Variants in ABCA7 observed in about 807,000 individuals in gnomAD.
ABCA7 encodes the protein phospholipid-transporting ATPase ABCA7.
Under a neutral mutation model 227.6 loss-of-function variants are expected in ABCA7, and 261 were observed. The ratio of observed to expected loss-of-function variants is 1.15; its 90% CI spans 1.04 to 1.27. The LOEUF (loss-of-function observed/expected upper bound fraction) is 1.27. Ranked by LOEUF, ABCA7 falls within the 50% of genes most tolerant of loss-of-function variation. ABCA7 has a pLI of 0.00. For synonymous variants in ABCA7, 1,488 were observed against 1,279.7 expected (o/e 1.16, Z -3.47); for missense variants, 3,331 against 2,924.5 (o/e 1.14, Z -3.21).
In ABCA7 at chr19:1,057,048, C is replaced by A. The variant is rs375075592; in HGVS notation, c.4728C>A (p.Pro1576=). The change falls in exon 34 of 47, where the codon CCC becomes CCA. Residue 1576 remains proline, a synonymous_variant. Coordinates refer to ENST00000263094, the MANE Select transcript of ABCA7 (RefSeq NM_019112.4). ...TGCAGCTCATGGGGGGCCTGTCCCC[C>A]ACCCTCTACTGGCTTGGCAACTTTC... ...KHLQLMGGLS[P]TLYWLGNFLW... The A allele has an allele frequency of 5.6e-5, 91 of 1,613,562 alleles. No individual in the cohort carries two copies. Among genetic ancestry groups the A allele is most frequent in the Non-Finnish European group, 7.1e-5 (84 of 1,179,982 alleles).
chr19:1,061,165 G>A (rs1373326082), intron 40 of ABCA7, among the ~76,000 whole-genome samples: 3 of 152,092 alleles, frequency 2.0e-5, no homozygotes, highest in African/African-American at 7.2e-5. Context: ...GGGAGGCCAA[G>A]GCAGGAGGAT....
intron 30 of ABCA7, among the ~76,000 whole-genome samples, chr19:1,055,692 G>A (rs1291125352): frequency 6.6e-6 from 1 of 151,918 alleles, no homozygotes; most frequent in Non-Finnish European, 1.5e-5. Flanking sequence ...TAGTAGAGAT[G>A]GGGTTTCACC....
At position 1,046,403 on chromosome 19, in the gene ABCA7, A is replaced by G. The variant is rs1568266638; in HGVS notation, c.1619A>G (p.Asp540Gly). The change falls in exon 13 of 47, where the codon GAC (aspartate) becomes GGC (glycine). Residue 540 changes from aspartate (D) to glycine (G), a missense_variant. Transcript: ENST00000263094. ...ATGCCCTATCCGTGCTATGTGGACG[A>G]CGTGTGAGCTCTGGCACCCCTCCCC... Reference protein sequence around the residue: ...QQMPYPCYVDDVFLRVLSRSL... With the variant: ...QQMPYPCYVDGVFLRVLSRSL... The G allele has an allele frequency of 9.1e-6, 14 of 1,545,392 alleles. No individual in the cohort carries two copies. Among genetic ancestry groups the G allele is most frequent in the Non-Finnish European group, 1.2e-5 (14 of 1,147,898 alleles).
intron 5 of ABCA7, 24 bp from the exon 6 acceptor site, chr19:1,042,291 T>C: frequency 6.4e-7 from 1 of 1,574,660 alleles, no homozygotes; most frequent in African/African-American, 1.3e-5. Flanking sequence ...CCCAGCCCCA[T>C]GCTCCCGTGC....
In ABCA7 at chr19:1,065,093, CGT is replaced by C; in HGVS notation, c.6208_6209del (p.Val2070LeufsTer68). The C allele has an allele frequency of 1.9e-6, 3 of 1,578,720 alleles. No individual in the cohort carries two copies. In the South Asian group the frequency reaches 3.4e-5, roughly 18 times the overall value. ...CGGGAGGGCGCTGCGCCCTGGCGCGCGTCTTTGGAGAGCTGGCGGTGCACGGC... is the reference window on the plus strand; with the variant it reads ...CGGGAGGGCGCTGCGCCCTGGCGCGCCTTTGGAGAGCTGGCGGTGCACGGC... ...PPGGRCALAR[V>X]FGELAVHGAE... On this transcript the variant is annotated frameshift_variant, in exon 46 of 47. Coordinates refer to ENST00000263094, the MANE Select transcript of ABCA7 (RefSeq NM_019112.4). LOFTEE classifies it high-confidence loss of function.
In ABCA7 at chr19:1,043,315, C is replaced by G. The variant is rs1193498634; in HGVS notation, c.791-19C>G. 1 of 1,612,788 alleles carries G rather than the reference C, an allele frequency of 6.2e-7. No individual in the cohort carries two copies. The highest frequency in any genetic ancestry group is 1.1e-5 in the South Asian group (1 of 91,064). On this transcript the variant is annotated intron_variant, in intron 8 of 46. Coordinates refer to ENST00000263094, the MANE Select transcript of ABCA7 (RefSeq NM_019112.4). ...AACTCTGGGCAGGGGGGCAGGGCCTCATGGCACCCCCATCCCAGGCCCCGC... is the reference window on the plus strand; with the variant it reads ...AACTCTGGGCAGGGGGGCAGGGCCTGATGGCACCCCCATCCCAGGCCCCGC...
At chr19:1,057,844 T>G in intron 35 of ABCA7, 71 bp from the exon 36 acceptor site, 2 of 1,553,942 alleles carry the variant, frequency 1.3e-6, no homozygotes, top group Non-Finnish European at 1.8e-6. Flanking sequence ...AAGATGGGAA[T>G]GGAGATTTTT....
Position 1,061,802 on chromosome 19 carries a change from G to A in ABCA7, c.5484G>A (p.Val1828=), listed in dbSNP as rs1430059499. The change falls in exon 41 of 47, where the codon GTG becomes GTA. Residue 1828 remains valine (V), a synonymous_variant. Coordinates refer to ENST00000263094, the MANE Select transcript of ABCA7 (RefSeq NM_019112.4). ...TGTAGTGTTTTGGGCTGCTGGGTGTGAATGGAGCAGGGAAGACGTCCACGT... is the reference window on the plus strand; with the variant it reads ...TGTAGTGTTTTGGGCTGCTGGGTGTAAATGGAGCAGGGAAGACGTCCACGT... The part of the protein sequence containing the change: ...PPGECFGLLG[V]NGAGKTSTFR... The A allele has an allele frequency of 1.2e-6, 2 of 1,613,098 alleles. No individual in the cohort carries two copies. The highest frequency in any genetic ancestry group is 1.7e-6 in the Non-Finnish European group (2 of 1,179,586).
rs1362440165 is a variant in ABCA7, at chr19:1,047,658, G to A, written c.2269+4G>A. On this transcript the variant is annotated splice_donor_region_variant and intron_variant, in intron 16 of 46. Coordinates refer to ENST00000263094, the MANE Select transcript of ABCA7 (RefSeq NM_019112.4). ...TACCTGGAAGCTGTGTGCCCAGGTG[G>A]GCCGTAGGGGGCGGGGCTCCGGGCC... 1.3e-6 allele frequency: 2 copies of A among 1,587,698 alleles called. No individual in the cohort carries two copies. The highest frequency in any genetic ancestry group is 1.7e-6 in the Non-Finnish European group (2 of 1,171,874).
At position 1,058,900 on chromosome 19, in the gene ABCA7, C is replaced by A. The variant is rs760329232; in HGVS notation, c.5360C>A (p.Ala1787Asp). ...GAACGGGAGCGGGTGGTCCAAGGAG[C>A]CACCCAGGGGGATGTGTTGGTGCTG... ...ARERERVVQGATQGDVLVLRN... is the reference protein window; with the variant it reads ...ARERERVVQGDTQGDVLVLRN... The change falls in exon 39 of 47, where the codon GCC becomes GAC. Residue 1787 changes from alanine to aspartate, a missense_variant. Coordinates refer to ENST00000263094, the MANE Select transcript of ABCA7 (RefSeq NM_019112.4). The A allele has an allele frequency of 1.9e-6, 3 of 1,587,328 alleles. No individual in the cohort carries two copies. The highest frequency in any genetic ancestry group is 2.7e-5 in the African/African-American group (2 of 74,504).
intron 42 of ABCA7, 127 bp downstream of exon 42, chr19:1,062,440 G>A (rs2042723123): frequency 3.5e-6 from 5 of 1,440,856 alleles, no homozygotes; most frequent in Admixed American, 2.1e-5. Flanking sequence ...CCCCCAGACC[G>A]TGCTTCCTTC....
chr19:1,046,160 G>A (rs2040629286), intron 12 of ABCA7, 70 bp from the exon 13 acceptor site: 2 of 1,531,836 alleles, frequency 1.3e-6, no homozygotes, highest in East Asian at 2.3e-5. Context: ...CTAAGAAAAA[G>A]GTTATTCAGG....
chr19:1,044,694 G>T lies in ABCA7; in HGVS notation c.1165G>T (p.Ala389Ser). The change falls in exon 11 of 47, where the codon GCA (alanine) becomes TCA (serine). Residue 389 changes from alanine to serine, a missense_variant. Physicochemically the swap from Ala to Ser is moderately conservative, Grantham distance 99. Transcript: ENST00000263094. Reference sequence around the variant, plus strand: ...GAGCGGTGGCTACAGCTGGCAGGACGCACACGCTGATGTGGGGCACCTGGT... The same window carrying T: ...GAGCGGTGGCTACAGCTGGCAGGACTCACACGCTGATGTGGGGCACCTGGT... Reference protein sequence around the residue: ...PGSGGYSWQDAHADVGHLVGT... With the variant: ...PGSGGYSWQDSHADVGHLVGT... The T allele has an allele frequency of 6.2e-7, 1 of 1,612,436 alleles. No individual in the cohort carries two copies.
intron 44 of ABCA7, 125 bp downstream of exon 44, chr19:1,063,988 C>T (rs1173079271): frequency 7.3e-7 from 1 of 1,368,822 alleles, no homozygotes; most frequent in Non-Finnish European, 9.7e-7. Context: ...CGCCAGGCCC[C>T]GGGGTGTAAG....
rs367549958 is a variant in ABCA7 at position 1,045,173 on chromosome 19, C to T, written c.1387C>T (p.Arg463Cys). 6.2e-7 allele frequency: 1 copy of T among 1,612,710 alleles called. No homozygotes were observed. Among genetic ancestry groups the T allele is most frequent in the Non-Finnish European group, 8.5e-7 (1 of 1,179,984 alleles). Residue 463 changes from arginine to cysteine, a missense_variant, in exon 12 of 47, where the codon CGC becomes TGC. By Grantham distance (180) the Arg-to-Cys change is radical. Transcript: ENST00000263094. ...PTPDLGPGHV[R>C]IKIRMDIDVV... ...CCCAGACCTGGGCCCCGGCCACGTG[C>T]GCATCAAAATCCGCATGGACATTGA...
rs1599693591 is a variant in ABCA7 at position 1,056,972 on chromosome 19, C to A, written c.4652C>A (p.Ala1551Asp). The change falls in exon 34 of 47, where the codon GCC becomes GAC. Residue 1551 changes from alanine to aspartate, a missense_variant. Transcript: ENST00000263094. The surrounding 1 kb of genome is among the most constrained non-coding windows in gnomAD (Gnocchi z 4.3). ...CVVFAMSFVP[A>D]SFTLVLIEER... ...GTCTTTGCCATGTCCTTTGTCCCGG[C>A]CAGCTTCACTCTTGTCCTCATTGAG... 6.2e-7 allele frequency: 1 copy of A among 1,614,072 alleles called. No homozygotes were observed. The highest frequency in any genetic ancestry group is 8.5e-7 in the Non-Finnish European group (1 of 1,180,030).
rs1185268303 is a variant in ABCA7 at position 1,064,261 on chromosome 19, G to T, written c.6044+8G>T. On this transcript the variant is annotated splice_region_variant and intron_variant, in intron 45 of 46. Transcript: ENST00000263094. ...GCAACATCTCAAGGGCAGGTGAGCC[G>T]GCGCGGCCTCCAGGCAGGTGTGGGG... is the stretch of plus-strand genomic sequence containing the variant. 1 of 1,551,986 alleles carries T rather than the reference G, an allele frequency of 6.4e-7. No individual in the cohort carries two copies. Among genetic ancestry groups the T allele is most frequent in the Admixed American group, 1.9e-5 (1 of 51,394 alleles).
In ABCA7 at chr19:1,054,942, G is replaced by A; in HGVS notation, c.3950+64G>A. 1 of 1,555,916 alleles carries A rather than the reference G, an allele frequency of 6.4e-7. No homozygotes were observed. The highest frequency in any genetic ancestry group is 8.7e-7 in the Non-Finnish European group (1 of 1,146,014). Reference sequence around the variant, plus strand: ...GCCTCAGTTTTCCCATCTGGTCCCTGGCCAGGGAGCCTCAGGGGGCACCTG... The same window carrying A: ...GCCTCAGTTTTCCCATCTGGTCCCTAGCCAGGGAGCCTCAGGGGGCACCTG... On this transcript the variant is annotated intron_variant, in intron 29 of 46. Coordinates refer to ENST00000263094, the MANE Select transcript of ABCA7 (RefSeq NM_019112.4). This position sits in a 1 kb window ranked among gnomAD's most constrained non-coding sequence, Gnocchi z 4.8.
chr19:1,057,054 C>T lies in ABCA7; in HGVS notation c.4734C>T (p.Leu1578=), dbSNP rs1299268200. ...LQLMGGLSPT[L]YWLGNFLWDM... is the part of the protein sequence containing the mutation. ...TCATGGGGGGCCTGTCCCCCACCCT[C>T]TACTGGCTTGGCAACTTTCTCTGGG... The change falls in exon 34 of 47, where the codon CTC becomes CTT. Residue 1578 remains leucine, a synonymous_variant. Transcript: ENST00000263094. The T allele has an allele frequency of 6.2e-7, 1 of 1,613,412 alleles. No individual in the cohort carries two copies.
Sources: allele counts gnomAD v4.1 joint callset (sites outside exome capture counted in the v4.1 genomes callset), GRCh38; gene constraint gnomAD v4.1.1; non-coding constraint Gnocchi (gnomAD v3.1); transcripts MANE v1.5; gene names NCBI Gene and HGNC (gene_info 2026-07-23, HGNC 2026-07-21).